CAMK1D: variants seen among roughly 807,000 people sequenced by gnomAD.
CAMK1D encodes calcium/calmodulin-dependent protein kinase type 1D.
In CAMK1D, 9 loss-of-function variants were observed where a neutral mutation model predicts 47.7. That is an observed-to-expected ratio of 0.19 (90% CI 0.11 to 0.33). CAMK1D has a LOEUF of 0.33. Ranked by LOEUF, CAMK1D falls within the 10% of genes least tolerant of loss-of-function variation. The pLI, the probability that CAMK1D is intolerant of heterozygous loss-of-function variation, is 1.00. For missense variants in CAMK1D, 291 were observed against 488.7 expected (o/e 0.60, Z 3.81); for synonymous variants, 184 against 184.9 (o/e 0.99, Z 0.04).
At chr10:12,374,050 A>G (rs897744684) in intron 1 of CAMK1D, among the ~76,000 whole-genome samples, 7 of 150,836 alleles carry the variant, frequency 4.6e-5, no homozygotes, top group Admixed American at 2.6e-4. Flanking sequence ...ACTTGAGATC[A>G]GGAGTGCAGG....
At chr10:12,427,708 T>TTTTTTTTTTTTTTG (rs1840293297) in intron 1 of CAMK1D, among the ~76,000 whole-genome samples, 1 of 106,372 alleles carries the variant, frequency 9.4e-6, no homozygotes, top group African/African-American at 3.6e-5. Context: ...CTGTTTTTTT[T>TTTTTTTTTTTTTTG]TTTTTTTTTT....
intron 3 of CAMK1D, among the ~76,000 whole-genome samples, chr10:12,682,831 A>T (rs750342300): frequency 0.3 from 45,223 of 152,034 alleles, 7,413 homozygotes; most frequent in South Asian, 0.51. Flanking sequence ...ATATTTACTT[A>T]GTCAACACAA....
At chr10:12,537,658 T>A (rs1836019722) in intron 1 of CAMK1D, among the ~76,000 whole-genome samples, 1 of 152,206 alleles carries the variant, frequency 6.6e-6, no homozygotes. Flanking sequence ...CTGCTGGGCA[T>A]GATTTCTGTG....
intron 2 of CAMK1D, among the ~76,000 whole-genome samples, chr10:12,578,501 C>T (rs905701248): frequency 7.1e-6 from 1 of 140,766 alleles, no homozygotes; most frequent in African/African-American, 2.7e-5. Context: ...ACCCGGGAGG[C>T]GGAGGTTGCT....
At chr10:12,505,518 G>A (rs1017429139) in intron 1 of CAMK1D, among the ~76,000 whole-genome samples, 4 of 152,180 alleles carry the variant, frequency 2.6e-5, no homozygotes, top group African/African-American at 9.7e-5. Flanking sequence ...CCTTTCTGGA[G>A]GGTTCTTTCC....
intron 6 of CAMK1D, among the ~76,000 whole-genome samples, chr10:12,812,977 A>G (rs1420939140): frequency 6.6e-6 from 1 of 152,240 alleles, no homozygotes; most frequent in Non-Finnish European, 1.5e-5. Context: ...TGGTAAAAGT[A>G]GCATTGAAAC....
chr10:12,814,549 G>A (rs1186628661), intron 7 of CAMK1D, among the ~76,000 whole-genome samples: 6 of 152,176 alleles, frequency 3.9e-5, no homozygotes, highest in Admixed American at 3.9e-4. Flanking sequence ...CATCTGGTGA[G>A]GGCCCACTTT....
At chr10:12,693,087 G>A (rs1445599197) in intron 3 of CAMK1D, among the ~76,000 whole-genome samples, 1 of 152,154 alleles carries the variant, frequency 6.6e-6, no homozygotes, top group African/African-American at 2.4e-5. Context: ...AGACTAGCTG[G>A]GCTTGGTGGC....
intron 6 of CAMK1D, among the ~76,000 whole-genome samples, chr10:12,792,048 A>G (rs974319695): frequency 6.6e-6 from 1 of 152,124 alleles, no homozygotes; most frequent in Non-Finnish European, 1.5e-5. Context: ...GGGGTTTTCA[A>G]TTTGCATTTT....
intron 3 of CAMK1D, among the ~76,000 whole-genome samples, chr10:12,754,966 C>A (rs1301967280): frequency 2.6e-5 from 4 of 152,024 alleles, no homozygotes. Context: ...CCATAACACC[C>A]AGATATAGAG....
intron 7 of CAMK1D, among the ~76,000 whole-genome samples, chr10:12,815,646 C>T (rs1056435814): frequency 2.0e-5 from 3 of 152,260 alleles, no homozygotes; most frequent in Non-Finnish European, 4.4e-5. Flanking sequence ...CACCCAGCCC[C>T]TCACTTTCCC....
rs1286796548 is a variant in CAMK1D, at chr10:12,769,794, A to G, written c.560A>G (p.Tyr187Cys). The change falls in exon 5 of 11, where the codon TAT (tyrosine) becomes TGT (cysteine). Residue 187 changes from tyrosine (Y) to cysteine (C), a missense_variant. Transcript: ENST00000619168. ...VMSTACGTPG[Y>C]VAPEVLAQKP... ...TCCACTGCCTGTGGAACTCCAGGCT[A>G]TGTCGGTAAGGACAGTGCATGTGCA... 4 of 1,614,004 alleles carry G rather than the reference A, an allele frequency of 2.5e-6. No homozygotes were observed. The highest frequency in any genetic ancestry group is 3.4e-6 in the Non-Finnish European group (4 of 1,179,972).
chr10:12,553,544 C>T (rs1077746), intron 2 of CAMK1D, among the ~76,000 whole-genome samples, 188 bp downstream of exon 2: 55,762 of 152,016 alleles, frequency 0.37, 10,670 homozygotes, highest in East Asian at 0.57. Context: ...ACATTCACGG[C>T]CATGGTTGGG....
intron 1 of CAMK1D, among the ~76,000 whole-genome samples, chr10:12,497,233 C>G (rs11257831): frequency 0.19 from 29,602 of 151,986 alleles, 2,989 homozygotes; most frequent in Non-Finnish European, 0.22. Context: ...AATCTCAGCA[C>G]TTTGGGAGGC....
intron 3 of CAMK1D, among the ~76,000 whole-genome samples, chr10:12,730,775 G>T (rs1276790921): frequency 6.6e-6 from 1 of 152,146 alleles, no homozygotes; most frequent in Non-Finnish European, 1.5e-5. Context: ...CCAGGGTCCA[G>T]CCCCACTGGT....
At chr10:12,828,461 T>G (rs1006856904) in intron 10 of CAMK1D, among the ~76,000 whole-genome samples, 1 of 151,970 alleles carries the variant, frequency 6.6e-6, no homozygotes, top group Admixed American at 6.6e-5. Context: ...GCCAACATGG[T>G]GAAACCCCAT....
intron 5 of CAMK1D, among the ~76,000 whole-genome samples, chr10:12,785,277 G>A (rs1380790289): frequency 6.6e-6 from 1 of 152,150 alleles, no homozygotes; most frequent in East Asian, 1.9e-4. Context: ...GTTGTGTCTG[G>A]GCCAGGAGAA....
intron 2 of CAMK1D, among the ~76,000 whole-genome samples, chr10:12,599,603 AG>A (rs1244384722): frequency 6.6e-6 from 1 of 152,214 alleles, no homozygotes; most frequent in African/African-American, 2.4e-5. Context: ...TATTCGTGGT[AG>A]AAAGAGAGCA....
intron 5 of CAMK1D, among the ~76,000 whole-genome samples, chr10:12,784,940 T>C (rs1837660128): frequency 6.6e-6 from 1 of 152,048 alleles, no homozygotes; most frequent in African/African-American, 2.4e-5. Context: ...GATTTGACAG[T>C]GGGATTTATG....
Sources: gnomAD v4.1 joint callset for allele counts (sites outside exome capture counted in the v4.1 genomes callset) on GRCh38, gnomAD v4.1.1 for gene constraint, MANE v1.5 for transcripts, NCBI Gene and HGNC (gene_info 2026-07-23, HGNC 2026-07-21) for gene names.